Variants in LRRC1 observed in about 807,000 individuals in gnomAD.
The protein encoded by LRRC1 is leucine-rich repeat-containing protein 1.
In LRRC1, 28 loss-of-function variants were observed where a neutral mutation model predicts 69.9. The ratio of observed to expected loss-of-function variants is 0.40; its 90% confidence interval spans 0.30 to 0.55. The LOEUF (loss-of-function observed/expected upper bound fraction) is 0.55. Among genes scored for constraint, LRRC1 ranks in the 20% least tolerant of loss-of-function variants. LRRC1 has a pLI of 0.47. For synonymous variants in LRRC1, 236 were observed against 240.2 expected (o/e 0.98, Z 0.16); for missense variants, 498 against 609.0 (o/e 0.82, Z 1.92).
chr6:53,874,257 TAA>T (rs1766992614), intron 2 of LRRC1, among the ~76,000 whole-genome samples: 1 of 152,122 alleles, frequency 6.6e-6, no homozygotes, highest in African/African-American at 2.4e-5. Flanking sequence ...ATAATGTTTA[TAA>T]AAGGGCTACA....
intron 1 of LRRC1, among the ~76,000 whole-genome samples, chr6:53,803,244 G>A (rs1297230491): frequency 6.6e-6 from 1 of 152,192 alleles, no homozygotes; most frequent in East Asian, 1.9e-4. Context: ...GATGATGACA[G>A]ATCCCAGACA....
At chr6:53,903,857 C>A (rs1179012400) in intron 9 of LRRC1, among the ~76,000 whole-genome samples, 1 of 152,196 alleles carries the variant, frequency 6.6e-6, no homozygotes. Flanking sequence ...GTGTTGAAGA[C>A]CCCCATGTGG....
intron 1 of LRRC1, among the ~76,000 whole-genome samples, chr6:53,834,209 T>C (rs1765543429): frequency 6.6e-6 from 1 of 152,226 alleles, no homozygotes; most frequent in Admixed American, 6.5e-5. Context: ...TTGTTATATC[T>C]CTGTGCCCCT....
intron 1 of LRRC1, among the ~76,000 whole-genome samples, chr6:53,840,200 G>A (rs1370684730): frequency 2.0e-5 from 3 of 152,250 alleles, no homozygotes; most frequent in South Asian, 2.1e-4. Context: ...GATACCATGC[G>A]TGACTGAAAT....
chr6:53,862,741 A>G lies in LRRC1; in HGVS notation c.278-16252A>G, dbSNP rs537554029. On this transcript the variant is annotated intron_variant, in intron 2 of 13. Coordinates refer to ENST00000370888, the MANE Select transcript of LRRC1 (RefSeq NM_018214.5). ...GCTGCTTGGAATTATGGCTTTGTCT[A>G]CAAGGCTGGCTGCCTCCTCAGTGAG... is the stretch of plus-strand genomic sequence containing the variant. 1.2e-4 allele frequency among the ~76,000 whole-genome samples: 19 copies of G among 152,298 alleles called. No homozygotes were observed. In the South Asian group the frequency reaches 3.9e-3, roughly 32 times the overall value.
Position 53,795,315 on chromosome 6 carries a change from G to C in LRRC1, c.59G>C (p.Arg20Pro), listed in dbSNP as rs771001390. The change falls in exon 1 of 14, where the codon CGC becomes CCC. Residue 20 changes from arginine (R) to proline (P), a missense_variant. Arg to Pro is a moderately radical substitution (Grantham distance 103, BLOSUM62 -2). Coordinates refer to ENST00000370888, the MANE Select transcript of LRRC1 (RefSeq NM_018214.5). ...CNRHVESIDK[R>P]HCSLVYVPEE... ...CGTCATGTGGAGAGCATCGACAAGC[G>C]CCACTGCTCGCTGGTCTACGTCCCC... is the stretch of plus-strand genomic sequence containing the variant. 2.5e-6 allele frequency: 4 copies of C among 1,613,388 alleles called. No homozygotes were observed. The South Asian group carries it at 3.3e-5, about 13-fold the overall frequency.
chr6:53,826,638 A>T (rs1331115677), intron 1 of LRRC1, among the ~76,000 whole-genome samples: 1 of 152,120 alleles, frequency 6.6e-6, no homozygotes, highest in Non-Finnish European at 1.5e-5. Context: ...GTCAAGAGTG[A>T]TTGACTTTTT....
chr6:53,851,347 T>TG (rs1287422856), intron 2 of LRRC1, among the ~76,000 whole-genome samples: 1 of 152,140 alleles, frequency 6.6e-6, no homozygotes, highest in Non-Finnish European at 1.5e-5. Context: ...AAGCCAGTGG[T>TG]GTAATTCCAG....
intron 10 of LRRC1, among the ~76,000 whole-genome samples, chr6:53,907,735 ATT>A (rs113795810): frequency 7.6e-4 from 91 of 119,634 alleles, no homozygotes; most frequent in East Asian, 1.1e-3. Flanking sequence ...TTCTAAATTC[ATT>A]TTTTTTTTTT....
chr6:53,859,038 C>T (rs1179673510), intron 2 of LRRC1, among the ~76,000 whole-genome samples: 1 of 152,136 alleles, frequency 6.6e-6, no homozygotes, highest in Non-Finnish European at 1.5e-5. Context: ...ATGTCAGGCA[C>T]TGGGATATTA....
chr6:53,871,399 A>AT (rs71546124), intron 2 of LRRC1, among the ~76,000 whole-genome samples: 12 of 151,916 alleles, frequency 7.9e-5, no homozygotes, highest in South Asian at 2.1e-4. Context: ...AATGCTGGGC[A>AT]TTTTTTTCGT....
Position 53,795,210 on chromosome 6 carries a change from C to G in LRRC1, c.-47C>G, listed in dbSNP as rs746754888. The G allele has an allele frequency of 1.3e-6, 2 of 1,535,330 alleles. No homozygotes were observed. Among genetic ancestry groups the G allele is most frequent in the Non-Finnish European group, 1.7e-6 (2 of 1,145,256 alleles). On this transcript the variant is annotated 5_prime_UTR_variant, in exon 1 of 14. Coordinates refer to ENST00000370888, the MANE Select transcript of LRRC1 (RefSeq NM_018214.5). ...CGCCGGCCAGAGCGGGCTCGGAGCC[C>G]GGGTCTCCGCCGCTCGGGACCCGGC...
intron 2 of LRRC1, among the ~76,000 whole-genome samples, chr6:53,850,659 A>G (rs1350808116): frequency 6.6e-6 from 1 of 152,266 alleles, no homozygotes; most frequent in East Asian, 1.9e-4. Context: ...TGAAATGTTA[A>G]GCTCTGTGCA....
chr6:53,864,786 G>A (rs1766642959), intron 2 of LRRC1, among the ~76,000 whole-genome samples: 1 of 152,060 alleles, frequency 6.6e-6, no homozygotes, highest in African/African-American at 2.4e-5. Context: ...CACTTTTCCT[G>A]ATCTGAGCCT....
intron 9 of LRRC1, among the ~76,000 whole-genome samples, chr6:53,903,576 CGCTTTT>C (rs1768135593): frequency 3.1e-5 from 3 of 98,134 alleles, no homozygotes; most frequent in Non-Finnish European, 6.8e-5. Flanking sequence ...TTTTCCTTTT[CGCTTTT>C]CCTTTTCCCT....
At chr6:53,910,405 A>C (rs1041818645) in intron 10 of LRRC1, among the ~76,000 whole-genome samples, 2 of 152,208 alleles carry the variant, frequency 1.3e-5, no homozygotes, top group Non-Finnish European at 2.9e-5. Context: ...GAGAAAGCCA[A>C]AATATATATG....
chr6:53,795,440 G>T, intron 1 of LRRC1, 25 bp downstream of exon 1: 1 of 1,593,248 alleles, frequency 6.3e-7, no homozygotes, highest in Non-Finnish European at 8.5e-7. Context: ...TCACCTGAGC[G>T]CTCTGCCCGC....
At chr6:53,840,578 G>C (rs1027269422) in intron 1 of LRRC1, among the ~76,000 whole-genome samples, 1 of 151,756 alleles carries the variant, frequency 6.6e-6, no homozygotes, top group African/African-American at 2.4e-5. Context: ...GTAGTACCTT[G>C]TGAACCGGTC....
At chr6:53,893,742 GT>G (rs1767778460) in intron 4 of LRRC1, among the ~76,000 whole-genome samples, 1 of 152,022 alleles carries the variant, frequency 6.6e-6, no homozygotes, top group Admixed American at 6.6e-5. Context: ...GATATTTTTT[GT>G]TGTTGATGTA....
Sources: allele counts gnomAD v4.1 joint callset (sites outside exome capture counted in the v4.1 genomes callset), GRCh38; gene constraint gnomAD v4.1.1; transcripts MANE v1.5; gene names NCBI Gene and HGNC (gene_info 2026-07-23, HGNC 2026-07-21).